Variants in SP140L observed in about 807,000 individuals in gnomAD.
SP140L encodes the protein SP140 like nuclear body protein, also known as nuclear body protein SP140-like protein.
In SP140L, 64 loss-of-function variants were observed where a neutral mutation model predicts 84.3. That is an observed-to-expected ratio of 0.76 (90% CI 0.62 to 0.94). The LOEUF is 0.94. SP140L is among the 40% of genes least tolerant of loss of function. SP140L has a pLI of 0.00. For missense variants in SP140L, 628 were observed against 692.5 expected (o/e 0.91, Z 1.05); for synonymous variants, 242 against 236.9 (o/e 1.02, Z -0.20).
intron 2 of SP140L, among the ~76,000 whole-genome samples, chr2:230,339,204 T>G (rs143434337): frequency 0.12 from 18,075 of 151,804 alleles, 1,116 homozygotes; most frequent in Middle Eastern, 0.15. Flanking sequence ...GAGATTCAAC[T>G]TCTTCCTGGT....
chr2:230,328,621 T>G (rs774236351), intron 1 of SP140L, 136 bp from the exon 2 acceptor site: 15 of 1,161,366 alleles, frequency 1.3e-5, no homozygotes, highest in Non-Finnish European at 1.6e-5. Context: ...TAAGCTATAA[T>G]AATGATTATA....
Position 230,360,336 on chromosome 2 carries a change from T to A in SP140L, c.439+1204T>A, listed in dbSNP as rs771789568. Among the ~76,000 whole-genome samples the A allele has an allele frequency of 3.6e-4, 55 of 152,254 alleles. 1 individual carries two copies. The highest frequency in any genetic ancestry group is 1.3e-3 in the African/African-American group (52 of 41,538). ...CGGTCTGGAATTGAAAGCTAAGGAATTTGAAGTTTATTTACTAGGCAATAA... is the reference window on the plus strand; with the variant it reads ...CGGTCTGGAATTGAAAGCTAAGGAAATTGAAGTTTATTTACTAGGCAATAA... On this transcript the variant is annotated intron_variant, in intron 4 of 18. Transcript: ENST00000415673.
chr2:230,342,523 C>T (rs1032302139), intron 2 of SP140L, among the ~76,000 whole-genome samples: 1 of 152,074 alleles, frequency 6.6e-6, no homozygotes, highest in Non-Finnish European at 1.5e-5. Context: ...CCGGAGCCTG[C>T]GTTTTTCTTT....
chr2:230,349,921 A>G (rs531481990), intron 2 of SP140L, among the ~76,000 whole-genome samples: 37 of 152,156 alleles, frequency 2.4e-4, no homozygotes, highest in Non-Finnish European at 4.4e-4. Flanking sequence ...AGGCAGGAGA[A>G]TTGCTTGAAT....
chr2:230,373,641 G>A (rs2061156920), intron 7 of SP140L, among the ~76,000 whole-genome samples: 1 of 152,196 alleles, frequency 6.6e-6, no homozygotes. Context: ...TCATACAGGA[G>A]CTCTGATGGA....
intron 7 of SP140L, among the ~76,000 whole-genome samples, chr2:230,382,804 G>A (rs1190766572): frequency 6.6e-6 from 1 of 152,220 alleles, no homozygotes; most frequent in Non-Finnish European, 1.5e-5. Context: ...TCCCTTCAGT[G>A]AGCCTACTGC....
At chr2:230,334,353 A>G (rs67864003) in intron 2 of SP140L, among the ~76,000 whole-genome samples, 22,441 of 152,132 alleles carry the variant, frequency 0.15, 1,833 homozygotes, top group African/African-American at 0.21. Flanking sequence ...CTCTTATTTG[A>G]TGTCCTTTCC....
intron 2 of SP140L, among the ~76,000 whole-genome samples, chr2:230,334,208 C>T (rs1330180830): frequency 6.6e-6 from 1 of 152,182 alleles, no homozygotes; most frequent in Non-Finnish European, 1.5e-5. Flanking sequence ...AATTACTAAC[C>T]ACTTCCAGAG....
intron 11 of SP140L, among the ~76,000 whole-genome samples, chr2:230,390,637 C>A (rs2061762322): frequency 6.6e-6 from 1 of 152,084 alleles, no homozygotes; most frequent in South Asian, 2.1e-4. Flanking sequence ...ATCAGAATGG[C>A]CTTCATCTCA....
At chr2:230,354,640 T>C (rs1389537129) in intron 2 of SP140L, among the ~76,000 whole-genome samples, 1 of 151,844 alleles carries the variant, frequency 6.6e-6, no homozygotes, top group Non-Finnish European at 1.5e-5. Flanking sequence ...TAGCTGGGCA[T>C]GGTGACATCT....
In SP140L at chr2:230,400,216, C is replaced by T. The variant is rs773662661; in HGVS notation, c.1287C>T (p.Cys429=). 9.9e-6 allele frequency: 16 copies of T among 1,614,112 alleles called. No individual in the cohort carries two copies. The South Asian group carries it at 1.3e-4, about 13-fold the overall frequency. ...GTTCAAGAGTCTTCCATGAGGACTG[C>T]CACATCCCACCTGTGGAAAGTGAGA... ...DTCSRVFHED[C]HIPPVESEKT... The change falls in exon 15 of 19, where the codon TGC becomes TGT. Residue 429 remains cysteine, a synonymous_variant. Coordinates refer to ENST00000415673, the MANE Select transcript of SP140L (RefSeq NM_138402.6).
chr2:230,378,210 C>T (rs905319816), intron 7 of SP140L, among the ~76,000 whole-genome samples: 2 of 151,554 alleles, frequency 1.3e-5, no homozygotes, highest in Admixed American at 6.6e-5. Flanking sequence ...ATCTTGATTA[C>T]TACAGTTTTA....
intron 2 of SP140L, among the ~76,000 whole-genome samples, chr2:230,354,867 AAGAAAG>A (rs1244229584): frequency 7.2e-6 from 1 of 139,520 alleles, no homozygotes; most frequent in Non-Finnish European, 1.5e-5. Context: ...GAAAGAAAGA[AAGAAAG>A]AAAGAAAGAA....
intron 14 of SP140L, among the ~76,000 whole-genome samples, chr2:230,397,242 T>C (rs1169855735): frequency 6.6e-6 from 1 of 152,170 alleles, no homozygotes; most frequent in African/African-American, 2.4e-5. Flanking sequence ...GGAGCGAAGA[T>C]GGTCTTAAGC....
chr2:230,369,509 G>A (rs1479797314), intron 5 of SP140L, among the ~76,000 whole-genome samples: 1 of 152,186 alleles, frequency 6.6e-6, no homozygotes, highest in Non-Finnish European at 1.5e-5. Context: ...CTACAAATAA[G>A]GAAACTGCTG....
chr2:230,392,725 A>G (rs1051336424), intron 12 of SP140L, among the ~76,000 whole-genome samples: 13 of 152,072 alleles, frequency 8.5e-5, no homozygotes, highest in Non-Finnish European at 1.6e-4. Flanking sequence ...TCTGTAATTG[A>G]TAGCAACAAT....
chr2:230,378,889 A>G (rs1362463088), intron 7 of SP140L, among the ~76,000 whole-genome samples: 1 of 152,214 alleles, frequency 6.6e-6, no homozygotes, highest in African/African-American at 2.4e-5. Context: ...AAATTCTCAC[A>G]CAAGGTTGTA....
At chr2:230,345,948 A>C (rs890597278) in intron 2 of SP140L, among the ~76,000 whole-genome samples, 2 of 152,122 alleles carry the variant, frequency 1.3e-5, no homozygotes, top group Non-Finnish European at 2.9e-5. Flanking sequence ...ACTTTGACTA[A>C]ATTTTACCTT....
chr2:230,373,576 C>T (rs749548316), intron 7 of SP140L, among the ~76,000 whole-genome samples: 2 of 152,108 alleles, frequency 1.3e-5, no homozygotes, highest in African/African-American at 2.4e-5. Context: ...GAGACATATT[C>T]CTCAGAAAAA....
Sources: allele counts gnomAD v4.1 joint callset (sites outside exome capture counted in the v4.1 genomes callset), GRCh38; gene constraint gnomAD v4.1.1; transcripts MANE v1.5; gene names NCBI Gene and HGNC (gene_info 2026-07-23, HGNC 2026-07-21).